Variants in CLIP4 observed in about 807,000 individuals in gnomAD.
The protein encoded by CLIP4 is CAP-Gly domain containing linker protein family member 4.
In CLIP4, 47 loss-of-function variants were observed where a neutral mutation model predicts 73.1. That is an observed-to-expected ratio of 0.64 (90% CI 0.51 to 0.82). The LOEUF (loss-of-function observed/expected upper bound fraction) is 0.82, where lower values mean the gene tolerates loss of function less well. Ranked by LOEUF, CLIP4 falls within the 40% of genes least tolerant of loss-of-function variation. The pLI is 0.00. For synonymous variants in CLIP4, 306 were observed against 295.4 expected, an observed-to-expected ratio of 1.04 and a Z score of -0.37; for missense variants, 874 against 852.9, an observed-to-expected ratio of 1.02 and a Z score of -0.31.
chr2:29,147,538 G>A (rs1207411516), intron 8 of CLIP4, among the ~76,000 whole-genome samples: 1 of 151,830 alleles, frequency 6.6e-6, no homozygotes, highest in East Asian at 1.9e-4. Context: ...TTCTTTAAAT[G>A]TTTATATTTT....
intron 9 of CLIP4, among the ~76,000 whole-genome samples, chr2:29,154,572 C>T (rs907609373): frequency 9.2e-5 from 14 of 152,100 alleles, no homozygotes; most frequent in Admixed American, 7.9e-4. Flanking sequence ...AGCAAGGAAA[C>T]GAAAGCTTAG....
chr2:29,111,362 G>A (rs1325248735), upstream of CLIP4, among the ~76,000 whole-genome samples: 1 of 152,188 alleles, frequency 6.6e-6, no homozygotes, highest in Non-Finnish European at 1.5e-5. Flanking sequence ...AAGCTACACT[G>A]GTAGCTGGAA....
intron 6 of CLIP4, among the ~76,000 whole-genome samples, chr2:29,143,204 C>T (rs536043452): frequency 7.4e-4 from 113 of 152,302 alleles, no homozygotes; most frequent in African/African-American, 2.4e-3. Flanking sequence ...GCAGAATGCT[C>T]TCCGTTTAGG....
In CLIP4 at chr2:29,183,776, A is replaced by G. The variant is rs1223717254; in HGVS notation, c.*1883A>G. On this transcript the variant is annotated 3_prime_UTR_variant, in exon 16 of 16. Coordinates refer to ENST00000320081, the MANE Select transcript of CLIP4 (RefSeq NM_024692.6). Reference sequence around the variant, plus strand: ...GTCATTTAAAGTTCACTTCTTGAGCATCAATAAAAAGGGAAGCTGTGTGGT... The same window carrying G: ...GTCATTTAAAGTTCACTTCTTGAGCGTCAATAAAAAGGGAAGCTGTGTGGT... The G allele has an allele frequency of 6.6e-6, 1 of 152,244 alleles. No individual in the cohort carries two copies. The highest frequency in any genetic ancestry group is 1.5e-5 in the Non-Finnish European group (1 of 68,046). The allele number at this position is 152,244 out of a possible 1,614,324, so 9.4% of individuals were successfully genotyped here. A position where few individuals can be genotyped will look rare whatever the true frequency, so the allele number is the denominator to read the frequency against.
chr2:29,156,272 G>A, intron 9 of CLIP4, 82 bp from the exon 10 acceptor site: 2 of 833,280 alleles, frequency 2.4e-6, no homozygotes, highest in Non-Finnish European at 3.6e-6. Flanking sequence ...TTTCGATAAT[G>A]AGGGATGCAT....
At chr2:29,161,712 G>C (rs553753839) in intron 12 of CLIP4, among the ~76,000 whole-genome samples, 1 of 152,286 alleles carries the variant, frequency 6.6e-6, no homozygotes, top group East Asian at 1.9e-4. Flanking sequence ...TTTTGTTCCA[G>C]GAGAGGACCC....
intron 8 of CLIP4, among the ~76,000 whole-genome samples, chr2:29,148,946 A>T (rs1313687373): frequency 6.6e-6 from 1 of 152,174 alleles, no homozygotes; most frequent in African/African-American, 2.4e-5. Context: ...TTTATGTGAT[A>T]ATTTGGGATG....
At position 29,131,194 on chromosome 2, in the gene CLIP4, A is replaced by G. The variant is rs2148486339; in HGVS notation, c.134-64A>G. Reference sequence around the variant, plus strand: ...CATTTGAACCTTGGTTTTATTGTTTATTATTTTCAATATATTTATTTGAAA... The same window carrying G: ...CATTTGAACCTTGGTTTTATTGTTTGTTATTTTCAATATATTTATTTGAAA... On this transcript the variant is annotated intron_variant, in intron 2 of 15. Coordinates refer to ENST00000320081, the MANE Select transcript of CLIP4 (RefSeq NM_024692.6). 3.0e-6 allele frequency: 4 copies of G among 1,314,544 alleles called. No individual in the cohort carries two copies. The East Asian group carries it at 1.0e-4, about 34-fold the overall frequency. The allele number at this position is 1,314,544 out of a possible 1,614,324, so 81.4% of individuals were successfully genotyped here.
At chr2:29,157,499 G>C in intron 11 of CLIP4, 152 bp downstream of exon 11, 1 of 1,163,104 alleles carries the variant, frequency 8.6e-7, no homozygotes, top group Non-Finnish European at 1.2e-6. Context: ...CGAACCTTAA[G>C]CCTTAAGGTC....
At chr2:29,101,300 C>CAAAA (rs1174781959) in intron 1 of CLIP4, among the ~76,000 whole-genome samples, 3 of 83,542 alleles carry the variant, frequency 3.6e-5, no homozygotes, top group Non-Finnish European at 2.6e-5. Flanking sequence ...CCCCCCAAAA[C>CAAAA]AAAAAAAAAA....
intron 1 of CLIP4, among the ~76,000 whole-genome samples, chr2:29,103,767 G>T (rs916844355): frequency 6.6e-6 from 1 of 151,990 alleles, no homozygotes; most frequent in Non-Finnish European, 1.5e-5. Context: ...AGGCTGGAGT[G>T]CAATGGCATG....
intron 6 of CLIP4, among the ~76,000 whole-genome samples, chr2:29,141,211 T>G (rs569935525): frequency 6.6e-6 from 1 of 152,302 alleles, no homozygotes; most frequent in East Asian, 1.9e-4. Context: ...GTGATTTTGA[T>G]TTTTTTGAAT....
intron 12 of CLIP4, among the ~76,000 whole-genome samples, chr2:29,161,919 C>A (rs1189367500): frequency 6.6e-6 from 1 of 152,166 alleles, no homozygotes; most frequent in African/African-American, 2.4e-5. Context: ...GACTGTCTCC[C>A]AACACAGTCT....
At chr2:29,116,790 C>A (rs887960631) in intron 1 of CLIP4, among the ~76,000 whole-genome samples, 4 of 152,196 alleles carry the variant, frequency 2.6e-5, no homozygotes, top group African/African-American at 9.7e-5. Flanking sequence ...GTGTTTACTT[C>A]TGTTTTGTAG....
Position 29,143,737 on chromosome 2 carries a change from T to C in CLIP4, c.677T>C (p.Val226Ala). 1 of 1,613,652 alleles carries C rather than the reference T, an allele frequency of 6.2e-7. No homozygotes were observed. The highest frequency in any genetic ancestry group is 1.1e-5 in the South Asian group (1 of 91,076). Residue 226 changes from valine to alanine, a missense_variant, in exon 7 of 16, where the codon GTT becomes GCT. Physicochemically the swap from Val to Ala is moderately conservative, Grantham distance 64. Coordinates refer to ENST00000320081, the MANE Select transcript of CLIP4 (RefSeq NM_024692.6). Reference protein sequence around the residue: ...RNDKGQIPADVVPDPVDMPLE... With the variant: ...RNDKGQIPADAVPDPVDMPLE... ...GACAAAGGACAGATCCCTGCTGATG[T>C]TGTTCCAGACCCAGTAGATATGCCG...
In CLIP4 at chr2:29,121,848, T is replaced by A. The variant is rs185825070; in HGVS notation, c.133+327T>A. On this transcript the variant is annotated intron_variant, in intron 2 of 15. Coordinates refer to ENST00000320081, the MANE Select transcript of CLIP4 (RefSeq NM_024692.6). The stretch of plus-strand genomic sequence containing the variant: ...ATGTATTTATTTTGGTTAAATATAC[T>A]GACTTGCTAAAAAAGCCATGTACTT... Among the ~76,000 whole-genome samples, 533 of 152,346 alleles carry A rather than the reference T, an allele frequency of 3.5e-3. 5 individuals carry two copies. The highest frequency in any genetic ancestry group is 5.7e-3 in the Non-Finnish European group (391 of 68,020).
chr2:29,121,037 C>T (rs1664214295), intron 1 of CLIP4, among the ~76,000 whole-genome samples: 2 of 152,182 alleles, frequency 1.3e-5, no homozygotes, highest in Non-Finnish European at 2.9e-5. Flanking sequence ...GATCCATCTA[C>T]AAGGGTTAAT....
intron 1 of CLIP4, among the ~76,000 whole-genome samples, chr2:29,117,255 G>C (rs551370111): frequency 2.0e-5 from 3 of 152,198 alleles, no homozygotes; most frequent in African/African-American, 7.2e-5. Context: ...TATAGCTTTT[G>C]ACCACTTGAA....
At chr2:29,135,317 A>G (rs1026392561) in intron 5 of CLIP4, among the ~76,000 whole-genome samples, 1 of 152,166 alleles carries the variant, frequency 6.6e-6, no homozygotes, top group Admixed American at 6.5e-5. Context: ...TTGAAAATCC[A>G]AGATAATATC....
Sources: gnomAD v4.1 joint callset for allele counts (sites outside exome capture counted in the v4.1 genomes callset) on GRCh38, gnomAD v4.1.1 for gene constraint, MANE v1.5 for transcripts, NCBI Gene and HGNC (gene_info 2026-07-23, HGNC 2026-07-21) for gene names.